The following DGKG variants were observed in gnomAD, a reference collection of about 807,000 sequenced individuals.
The protein encoded by DGKG is DAG kinase gamma.
In DGKG, 78 loss-of-function variants were observed where a neutral mutation model predicts 105.3. That is an observed-to-expected ratio of 0.74 (90% CI 0.62 to 0.89). DGKG has a LOEUF of 0.89. Among genes scored for constraint, DGKG ranks in the 40% least tolerant of loss-of-function variants. The pLI, the probability that DGKG is intolerant of heterozygous loss-of-function variation, is 0.00. For missense variants in DGKG, 958 were observed against 1,020.1 expected (o/e 0.94, Z 0.83); for synonymous variants, 346 against 367.1 (o/e 0.94, Z 0.66).
chr3:186,322,630 C>A (rs768774965), intron 1 of DGKG, among the ~76,000 whole-genome samples: 2 of 152,178 alleles, frequency 1.3e-5, no homozygotes, highest in Non-Finnish European at 2.9e-5. Flanking sequence ...CAGCCCTCTT[C>A]TCACTCTACA....
chr3:186,228,389 T>G (rs1006188098), intron 20 of DGKG, among the ~76,000 whole-genome samples: 99 of 152,314 alleles, frequency 6.5e-4, no homozygotes, highest in African/African-American at 2.3e-3. Flanking sequence ...GGTTCAGTAT[T>G]TTAAAGTCCC....
rs77835948 is a variant in DGKG at position 186,203,461 on chromosome 3, C to T, written c.1917+8334G>A. On this transcript the variant is annotated intron_variant, in intron 21 of 24. Coordinates refer to ENST00000265022, the MANE Select transcript of DGKG (RefSeq NM_001346.3). The surrounding 1 kb of genome is among the most constrained non-coding windows in gnomAD (Gnocchi z 4.9). ...CATGAATTTGGATTACCTTTGTAAT[C>T]GGGAAAAGAGGTTAGCCCACATATT... Among the ~76,000 whole-genome samples the T allele has an allele frequency of 9.9e-5, 15 of 152,168 alleles. No individual in the cohort carries two copies. The highest frequency in any genetic ancestry group is 2.9e-4 in the African/African-American group (12 of 41,516).
chr3:186,291,983 G>C (rs1453438234), intron 5 of DGKG, among the ~76,000 whole-genome samples: 14 of 152,192 alleles, frequency 9.2e-5, no homozygotes, highest in Admixed American at 9.2e-4. Flanking sequence ...CAGGGGTCCA[G>C]GAAGGCTGAG....
chr3:186,162,238 C>T (rs1716328537), intron 23 of DGKG, among the ~76,000 whole-genome samples: 1 of 152,166 alleles, frequency 6.6e-6, no homozygotes, highest in African/African-American at 2.4e-5. Flanking sequence ...TCTACTGCCT[C>T]GGTCCTCAGA....
At chr3:186,173,850 A>G (rs374775696) in intron 22 of DGKG, among the ~76,000 whole-genome samples, 2 of 152,354 alleles carry the variant, frequency 1.3e-5, no homozygotes, top group Admixed American at 6.5e-5. Context: ...AAAGAAGGAA[A>G]GCTCTAACTG....
Position 186,203,561 on chromosome 3 carries a change from A to C in DGKG, c.1917+8234T>G, listed in dbSNP as rs117103060. 1.1e-3 allele frequency among the ~76,000 whole-genome samples: 168 copies of C among 152,344 alleles called. 2 individuals are homozygous for C. The East Asian group carries it at 0.028, about 26-fold the overall frequency. ...GGTGAGAACCGGTGAATGGGCAAGA[A>C]GAAGCAACCAGAAGTGGCAGGAGCT... is the stretch of plus-strand genomic sequence containing the variant. On this transcript the variant is annotated intron_variant, in intron 21 of 24. Transcript: ENST00000265022. This position sits in a 1 kb window ranked among gnomAD's most constrained non-coding sequence, Gnocchi z 4.9.
intron 1 of DGKG, among the ~76,000 whole-genome samples, chr3:186,322,850 G>A (rs1445320050): frequency 3.3e-5 from 5 of 152,150 alleles, no homozygotes; most frequent in Non-Finnish European, 5.9e-5. Flanking sequence ...AGCCGCTCGG[G>A]TTATGCCCAA....
chr3:186,181,934 G>A (rs1717376508), intron 22 of DGKG, among the ~76,000 whole-genome samples: 1 of 152,214 alleles, frequency 6.6e-6, no homozygotes, highest in Non-Finnish European at 1.5e-5. Context: ...AGAGTCTGAG[G>A]AAATATGCAG....
chr3:186,240,992 C>T (rs113634172), intron 20 of DGKG, among the ~76,000 whole-genome samples: 41 of 152,166 alleles, frequency 2.7e-4, no homozygotes, highest in African/African-American at 9.6e-4. Context: ...ACACGTGTTC[C>T]TAGTGTGCAG....
intron 1 of DGKG, among the ~76,000 whole-genome samples, chr3:186,341,312 G>A (rs1726074597): frequency 6.6e-6 from 1 of 152,194 alleles, no homozygotes; most frequent in Non-Finnish European, 1.5e-5. Flanking sequence ...TAAGCATGGG[G>A]GACATGTATT....
At chr3:186,182,962 T>C (rs1195143140) in intron 22 of DGKG, among the ~76,000 whole-genome samples, 1 of 152,198 alleles carries the variant, frequency 6.6e-6, no homozygotes, top group African/African-American at 2.4e-5. Context: ...ACAGGCAGAC[T>C]TCTGATCAGT....
intron 3 of DGKG, among the ~76,000 whole-genome samples, chr3:186,299,767 C>CTCTTTCTTTCTTTCTTTCTT (rs56331660): frequency 3.0e-4 from 29 of 95,544 alleles, no homozygotes; most frequent in East Asian, 1.7e-3. Flanking sequence ...TTCTTCTTTT[C>CTCTTTCTTTCTTTCTTTCTT]TCTTTCTTTC....
chr3:186,147,550 C>G lies in DGKG; in HGVS notation c.*2540G>C. Reference sequence around the variant, plus strand: ...AGGTTACCAAACTGGAAGTGCAATTCCACTGAAGTTGTTATACTCCATGCC... The same window carrying G: ...AGGTTACCAAACTGGAAGTGCAATTGCACTGAAGTTGTTATACTCCATGCC... On this transcript the variant is annotated 3_prime_UTR_variant, in exon 25 of 25. Coordinates refer to ENST00000265022, the MANE Select transcript of DGKG (RefSeq NM_001346.3). The G allele has an allele frequency of 1.0e-6, 1 of 985,384 alleles. No homozygotes were observed. Among genetic ancestry groups the G allele is most frequent in the Non-Finnish European group, 1.2e-6 (1 of 829,914 alleles). The allele number at this position is 985,384 out of a possible 1,614,324, so 61.0% of individuals were successfully genotyped here.
At chr3:186,334,861 T>G (rs1306566944) in intron 1 of DGKG, among the ~76,000 whole-genome samples, 4 of 152,190 alleles carry the variant, frequency 2.6e-5, no homozygotes, top group Non-Finnish European at 5.9e-5. Context: ...CTTGTGGCAG[T>G]ACTTGGCATA....
At chr3:186,350,734 A>G (rs1006700643) in intron 1 of DGKG, among the ~76,000 whole-genome samples, 3 of 152,210 alleles carry the variant, frequency 2.0e-5, no homozygotes, top group South Asian at 2.1e-4. Flanking sequence ...CAATTGCTCT[A>G]CATCCTTGCC....
At chr3:186,224,917 T>C (rs1259037296) in intron 20 of DGKG, among the ~76,000 whole-genome samples, 2 of 152,158 alleles carry the variant, frequency 1.3e-5, no homozygotes, top group East Asian at 3.8e-4. Flanking sequence ...AAGGTCCAAA[T>C]TTATTCTCCT....
intron 15 of DGKG, among the ~76,000 whole-genome samples, chr3:186,261,421 C>G (rs950917847): frequency 6.6e-6 from 1 of 152,190 alleles, no homozygotes; most frequent in African/African-American, 2.4e-5. Context: ...TGGTCTAACT[C>G]TAGTGGTCTT....
chr3:186,220,684 T>G (rs1245231799), intron 20 of DGKG, among the ~76,000 whole-genome samples: 1 of 151,972 alleles, frequency 6.6e-6, no homozygotes, highest in Non-Finnish European at 1.5e-5. Context: ...TTTAGCAGAG[T>G]CCATGATCTG....
intron 19 of DGKG, among the ~76,000 whole-genome samples, chr3:186,250,097 C>T (rs1269826935): frequency 6.6e-6 from 1 of 152,108 alleles, no homozygotes; most frequent in Non-Finnish European, 1.5e-5. Flanking sequence ...GGCTCCAGAA[C>T]AAGGCACCAC....
Sources: allele counts gnomAD v4.1 joint callset (sites outside exome capture counted in the v4.1 genomes callset), GRCh38; gene constraint gnomAD v4.1.1; non-coding constraint Gnocchi (gnomAD v3.1); transcripts MANE v1.5; gene names NCBI Gene and HGNC (gene_info 2026-07-23, HGNC 2026-07-21).